ZMAT4: variants seen among roughly 807,000 people sequenced by gnomAD.
ZMAT4 encodes zinc finger matrin-type 4.
Under a neutral mutation model 28.7 loss-of-function variants are expected in ZMAT4, and 17 were observed. That is an observed-to-expected ratio of 0.59 (90% CI 0.41 to 0.89). The LOEUF (loss-of-function observed/expected upper bound fraction) is 0.89, where lower values mean the gene tolerates loss of function less well. Among genes scored for constraint, ZMAT4 ranks in the 40% least tolerant of loss-of-function variants. ZMAT4 has a pLI of 0.00. For missense variants in ZMAT4, 240 were observed against 283.8 expected, an observed-to-expected ratio of 0.85 and a Z score of 1.11; for synonymous variants, 117 against 109.2, an observed-to-expected ratio of 1.07 and a Z score of -0.44.
chr8:40,534,649 C>G (rs1802790121), intron 6 of ZMAT4, among the ~76,000 whole-genome samples: 1 of 151,296 alleles, frequency 6.6e-6, no homozygotes, highest in Non-Finnish European at 1.5e-5. Context: ...AAAACATGGC[C>G]TCAGTTTCAC....
At chr8:40,542,316 C>A (rs951686472) in intron 6 of ZMAT4, among the ~76,000 whole-genome samples, 2 of 152,176 alleles carry the variant, frequency 1.3e-5, no homozygotes, top group Non-Finnish European at 2.9e-5. Context: ...AGGACCCTGG[C>A]TGGCCTATGA....
chr8:40,709,187 G>C (rs1810496005), intron 3 of ZMAT4, among the ~76,000 whole-genome samples: 1 of 152,042 alleles, frequency 6.6e-6, no homozygotes, highest in South Asian at 2.1e-4. Flanking sequence ...GAATATAAAT[G>C]CTATGCTAAT....
chr8:40,709,267 T>C (rs1465317947), intron 3 of ZMAT4, among the ~76,000 whole-genome samples: 1 of 152,200 alleles, frequency 6.6e-6, no homozygotes, highest in African/African-American at 2.4e-5. Flanking sequence ...TTATTTTTAT[T>C]TCATTTTATC....
intron 1 of ZMAT4, among the ~76,000 whole-genome samples, chr8:40,897,211 A>T (rs1464012080): frequency 6.6e-6 from 1 of 152,092 alleles, no homozygotes; most frequent in African/African-American, 2.4e-5. Context: ...CAGAAGTTTG[A>T]GGAAGGACTC....
intron 6 of ZMAT4, among the ~76,000 whole-genome samples, chr8:40,571,779 ATAACT>A (rs1804106398): frequency 6.6e-6 from 1 of 152,200 alleles, no homozygotes; most frequent in Non-Finnish European, 1.5e-5. Context: ...CTGAAGAGAA[ATAACT>A]TTACATTCTT....
intron 5 of ZMAT4, among the ~76,000 whole-genome samples, chr8:40,590,136 C>T (rs559726748): frequency 8.6e-4 from 130 of 151,500 alleles, no homozygotes; most frequent in African/African-American, 2.9e-3. Context: ...ACTCCTCCCT[C>T]AGCCTCCTTA....
At chr8:40,607,393 G>A (rs549762088) in intron 5 of ZMAT4, among the ~76,000 whole-genome samples, 79 of 152,084 alleles carry the variant, frequency 5.2e-4, no homozygotes, top group Non-Finnish European at 4.0e-4. Flanking sequence ...GCCTCCCAAA[G>A]TACTGGGATT....
chr8:40,585,367 T>C (rs575353891), intron 5 of ZMAT4, among the ~76,000 whole-genome samples: 5 of 152,188 alleles, frequency 3.3e-5, no homozygotes, highest in Non-Finnish European at 7.4e-5. Flanking sequence ...CGTCAGAGTG[T>C]GGATGCATCC....
rs145377321 is a variant in ZMAT4, at chr8:40,728,007, C to G, written c.193-30606G>C. 5.4e-3 allele frequency among the ~76,000 whole-genome samples: 814 copies of G among 152,044 alleles called. 9 individuals are homozygous for G. The highest frequency in any genetic ancestry group is 0.018 in the African/African-American group (765 of 41,462). On this transcript the variant is annotated intron_variant, in intron 3 of 6. Transcript: ENST00000297737. ...AAAATAGGTAGTTATGGGATTAGTGCTAGGAAATAAAGATAGAAAAATATT... is the reference window on the plus strand; with the variant it reads ...AAAATAGGTAGTTATGGGATTAGTGGTAGGAAATAAAGATAGAAAAATATT...
At chr8:40,717,091 T>C (rs1163283160) in intron 3 of ZMAT4, among the ~76,000 whole-genome samples, 1 of 152,234 alleles carries the variant, frequency 6.6e-6, no homozygotes, top group Non-Finnish European at 1.5e-5. Flanking sequence ...TCTATAATCC[T>C]GTAATTTTAT....
At chr8:40,773,189 C>T (rs1053241029) in intron 2 of ZMAT4, among the ~76,000 whole-genome samples, 8 of 152,230 alleles carry the variant, frequency 5.3e-5, no homozygotes, top group East Asian at 1.9e-4. Flanking sequence ...ACAGAAACTC[C>T]GTGTACCTAG....
At chr8:40,706,196 A>G (rs554912263) in intron 3 of ZMAT4, among the ~76,000 whole-genome samples, 7 of 152,178 alleles carry the variant, frequency 4.6e-5, no homozygotes, top group African/African-American at 1.4e-4. Context: ...GGGACTACAG[A>G]AATGTACCAC....
chr8:40,786,598 C>A (rs1814097854), intron 2 of ZMAT4: 1 of 930,660 alleles, frequency 1.1e-6, no homozygotes, highest in African/African-American at 1.7e-5. Context: ...CATGCACGTT[C>A]TGGTTATTCT....
At chr8:40,791,406 A>T (rs1814317896) in intron 2 of ZMAT4, among the ~76,000 whole-genome samples, 1 of 152,208 alleles carries the variant, frequency 6.6e-6, no homozygotes, top group African/African-American at 2.4e-5. Flanking sequence ...TAACCACAGA[A>T]ACTACACTGA....
chr8:40,769,957 T>C (rs74352757), intron 2 of ZMAT4, among the ~76,000 whole-genome samples: 1 of 152,136 alleles, frequency 6.6e-6, no homozygotes, highest in Non-Finnish European at 1.5e-5. Flanking sequence ...CCATTAGTGA[T>C]GTGAGATGTT....
At chr8:40,630,092 C>G (rs1303878178) in intron 5 of ZMAT4, among the ~76,000 whole-genome samples, 1 of 152,174 alleles carries the variant, frequency 6.6e-6, no homozygotes, top group Admixed American at 6.5e-5. Context: ...TTCTATATTA[C>G]TTATGCTAGT....
intron 3 of ZMAT4, among the ~76,000 whole-genome samples, chr8:40,700,747 C>T (rs1171820830): frequency 6.6e-6 from 1 of 152,114 alleles, no homozygotes; most frequent in African/African-American, 2.4e-5. Context: ...GCTCCCTCTA[C>T]TGTCTGGGAG....
At chr8:40,740,791 G>A (rs948303309) in intron 3 of ZMAT4, among the ~76,000 whole-genome samples, 6 of 152,160 alleles carry the variant, frequency 3.9e-5, no homozygotes, top group African/African-American at 1.4e-4. Flanking sequence ...CGAACGAACT[G>A]GGGGCTGGTG....
chr8:40,575,577 T>C (rs1804237407), intron 6 of ZMAT4, among the ~76,000 whole-genome samples: 1 of 151,764 alleles, frequency 6.6e-6, no homozygotes, highest in African/African-American at 2.4e-5. Flanking sequence ...GGAGAAACTA[T>C]ACAGAGACCA....
Sources: gnomAD v4.1 joint callset for allele counts (sites outside exome capture counted in the v4.1 genomes callset) on GRCh38, gnomAD v4.1.1 for gene constraint, MANE v1.5 for transcripts, NCBI Gene and HGNC (gene_info 2026-07-23, HGNC 2026-07-21) for gene names.